The following PIGQ variants were observed in gnomAD, a reference collection of about 807,000 sequenced individuals.
The protein encoded by PIGQ is phosphatidylinositol N-acetylglucosaminyltransferase subunit Q.
PIGQ carries 54 observed loss-of-function variants against 60.3 expected under a neutral mutation model. That is an observed-to-expected ratio of 0.90 (90% CI 0.72 to 1.12). PIGQ has a LOEUF of 1.12. PIGQ is among the 50% of genes most tolerant of loss of function. PIGQ has a pLI of 0.00. For missense variants in PIGQ, 799 were observed against 793.5 expected, an observed-to-expected ratio of 1.01 and a Z score of -0.08; for synonymous variants, 416 against 363.7, an observed-to-expected ratio of 1.14 and a Z score of -1.64.
Position 580,195 on chromosome 16 carries a change from A to T in PIGQ, c.1348A>T (p.Thr450Ser). 1 of 1,611,480 alleles carries T rather than the reference A, an allele frequency of 6.2e-7. No individual in the cohort carries two copies. The highest frequency in any genetic ancestry group is 2.2e-5 in the East Asian group (1 of 44,780). Residue 450 changes from threonine to serine, a missense_variant, in exon 8 of 11, where the codon ACT becomes TCT. Physicochemically the swap from Thr to Ser is moderately conservative, Grantham distance 58. Transcript: ENST00000321878. Reference sequence around the variant, plus strand: ...CCCCTCCCTACAGCTGTTCATCGGGACTCTGCTCTTCACCATCCTGCTCTT... The same window carrying T: ...CCCCTCCCTACAGCTGTTCATCGGGTCTCTGCTCTTCACCATCCTGCTCTT... Reference protein sequence around the residue: ...SYDLDQLFIGTLLFTILLFLL... With the variant: ...SYDLDQLFIGSLLFTILLFLL...
At chr16:571,089 G>GCCTAGCC (rs1567173412) in intron 1 of PIGQ, among the ~76,000 whole-genome samples, 12 of 23,990 alleles carry the variant, frequency 5.0e-4, no homozygotes, top group African/African-American at 1.5e-3. Context: ...GTGTGTGTGT[G>GCCTAGCC]TGTGTGTGTG....
rs1430604080 is a variant in PIGQ at position 576,262 on chromosome 16, G to A, written c.942+8G>A. 5.1e-6 allele frequency: 8 copies of A among 1,554,358 alleles called. No homozygotes were observed. The highest frequency in any genetic ancestry group is 7.0e-6 in the Non-Finnish European group (8 of 1,149,636). Reference sequence around the variant, plus strand: ...CTCGTTCCTGTGGCTGACGTGAGTGGACTGGGGTGGAGCCCGGTGTCCCGG... The same window carrying A: ...CTCGTTCCTGTGGCTGACGTGAGTGAACTGGGGTGGAGCCCGGTGTCCCGG... On this transcript the variant is annotated splice_region_variant and intron_variant, in intron 4 of 10. Coordinates refer to ENST00000321878, the MANE Select transcript of PIGQ (RefSeq NM_004204.5).
In PIGQ at chr16:583,557, C is replaced by T. The variant is rs758362263; in HGVS notation, c.*522C>T. Reference sequence around the variant, plus strand: ...ATTGAAGCAGTCGCTGACCCCCGTCCCCAGCGGGCCCGGGCCCTCACTCCC... The same window carrying T: ...ATTGAAGCAGTCGCTGACCCCCGTCTCCAGCGGGCCCGGGCCCTCACTCCC... On this transcript the variant is annotated 3_prime_UTR_variant, in exon 11 of 11. Transcript: ENST00000321878. The T allele has an allele frequency of 3.1e-6, 5 of 1,612,346 alleles. No individual in the cohort carries two copies. The South Asian group carries it at 5.5e-5, about 18-fold the overall frequency.
Position 583,885 on chromosome 16 carries a change from A to C in PIGQ, c.*850A>C. 1 of 562,566 alleles carries C rather than the reference A, an allele frequency of 1.8e-6. No individual in the cohort carries two copies. The allele number at this position is 562,566 out of a possible 1,614,324, so 34.8% of individuals were successfully genotyped here. A position where few individuals can be genotyped will look rare whatever the true frequency, so the allele number is the denominator to read the frequency against. On this transcript the variant is annotated 3_prime_UTR_variant, in exon 11 of 11. Transcript: ENST00000321878. The stretch of plus-strand genomic sequence containing the variant: ...GAGGGGGCCGTGGCACTGAGGCCGA[A>C]AGTGCCTGCCAGACGGCACGGTCTG...
At position 583,769 on chromosome 16, in the gene PIGQ, A is replaced by T; in HGVS notation, c.*734A>T. ...CCCGTAGCAGCAGGTCCTGCGGCCA[A>T]ATCTGTCTCCCTTCATGGGCCTCCC... On this transcript the variant is annotated 3_prime_UTR_variant, in exon 11 of 11. Transcript: ENST00000321878. 1.0e-6 allele frequency: 1 copy of T among 983,418 alleles called. No homozygotes were observed. The highest frequency in any genetic ancestry group is 1.6e-6 in the Non-Finnish European group (1 of 633,400). 60.9% of individuals were successfully genotyped at this position (983,418 alleles called of 1,614,324 possible). A position where few individuals can be genotyped will look rare whatever the true frequency, so the allele number is the denominator to read the frequency against.
In PIGQ at chr16:579,125, A is replaced by G. The variant is rs2035772170; in HGVS notation, c.1280A>G (p.Lys427Arg). 6.2e-7 allele frequency: 1 copy of G among 1,612,982 alleles called. No homozygotes were observed. The highest frequency in any genetic ancestry group is 8.5e-7 in the Non-Finnish European group (1 of 1,179,782). Reference sequence around the variant, plus strand: ...TCACTGTGGCGTCTGTTCCGGGGGAAGAAGTGGAACGTTCTGCGCCAGCGC... The same window carrying G: ...TCACTGTGGCGTCTGTTCCGGGGGAGGAAGTGGAACGTTCTGCGCCAGCGC... ...LSSLWRLFRG[K>R]KWNVLRQRVD... Residue 427 changes from lysine to arginine, a missense_variant, in exon 7 of 11, where the codon AAG becomes AGG. By Grantham distance (26) the Lys-to-Arg change is conservative. Transcript: ENST00000321878.
Position 580,867 on chromosome 16 carries a change from C to G in PIGQ, c.1426C>G (p.Leu476Val). Residue 476 changes from leucine to valine, a missense_variant, in exon 9 of 11, where the codon CTG becomes GTG. By Grantham distance (32) the Leu-to-Val change is conservative. Transcript: ENST00000321878. ...YYLVFTLLRLLVVAVQGLIHL... is the reference protein window; with the variant it reads ...YYLVFTLLRLVVVAVQGLIHL... The stretch of plus-strand genomic sequence containing the variant: ...TGCTCCTCTGCCACAGCTCCGGCTC[C>G]TGGTGGTCGCCGTGCAGGGCCTGAT... 1 of 1,499,670 alleles carries G rather than the reference C, an allele frequency of 6.7e-7. No homozygotes were observed. The highest frequency in any genetic ancestry group is 9.2e-7 in the Non-Finnish European group (1 of 1,084,968). 92.9% of individuals were successfully genotyped at this position (1,499,670 alleles called of 1,614,324 possible). A position where few individuals can be genotyped will look rare whatever the true frequency, so the allele number is the denominator to read the frequency against.
chr16:576,459 C>T (rs1187831086), intron 4 of PIGQ: 1 of 636,488 alleles, frequency 1.6e-6, no homozygotes, highest in Non-Finnish European at 2.7e-6. Context: ...AGGTACACCC[C>T]CCTTTCCTTC....
intron 5 of PIGQ, 129 bp from the exon 6 acceptor site, chr16:578,656 T>C: frequency 7.1e-7 from 1 of 1,408,166 alleles, no homozygotes. Flanking sequence ...GGCTGGGGCC[T>C]GGGCACCTCC....
rs2035755486 is a variant in PIGQ, at chr16:578,419, T to C, written c.983T>C (p.Met328Thr). 3 of 1,612,272 alleles carry C rather than the reference T, an allele frequency of 1.9e-6. No homozygotes were observed. In the African/African-American group the frequency reaches 4.0e-5, roughly 21 times the overall value. Residue 328 changes from methionine (M) to threonine (T), a missense_variant, in exon 5 of 11, where the codon ATG becomes ACG. Physicochemically the swap from Met to Thr is moderately conservative, Grantham distance 81. Transcript: ENST00000321878. ...EELQHLLQWL[M>T]GAPAGLKMNR... The stretch of plus-strand genomic sequence containing the variant: ...CTCCAGCATCTGCTGCAGTGGCTGA[T>C]GGGTGCTCCCGCCGGGCTCAAGATG...
intron 7 of PIGQ, 23 bp downstream of exon 7, chr16:579,203 G>A (rs756616900): frequency 1.3e-6 from 2 of 1,589,574 alleles, no homozygotes; most frequent in African/African-American, 1.3e-5. Context: ...GTTCGTGGCT[G>A]GAGGGGCTGA....
At chr16:574,856 C>A in intron 2 of PIGQ, 93 bp downstream of exon 2, 1 of 1,031,732 alleles carries the variant, frequency 9.7e-7, no homozygotes, top group Non-Finnish European at 1.4e-6. Flanking sequence ...GGCCCAGATG[C>A]GCTCTTCCTG....
rs1475802661 is a variant in PIGQ at position 574,733 on chromosome 16, T to G, written c.659T>G (p.Leu220Arg). Residue 220 changes from leucine to arginine, a missense_variant, in exon 2 of 11, where the codon CTG becomes CGG. Transcript: ENST00000321878. Reference protein sequence around the residue: ...GPICLLLASLLSLVSAVSACR... With the variant: ...GPICLLLASLRSLVSAVSACR... The stretch of plus-strand genomic sequence containing the variant: ...ATTTGCCTGCTGTTGGCCAGCCTGC[T>G]GTCGCTGGTCTCAGCTGTCAGTGCC... The G allele has an allele frequency of 6.3e-7, 1 of 1,584,530 alleles. No individual in the cohort carries two copies. Among genetic ancestry groups the G allele is most frequent in the Non-Finnish European group, 8.5e-7 (1 of 1,170,214 alleles).
At position 576,223 on chromosome 16, in the gene PIGQ, A is replaced by G; in HGVS notation, c.911A>G (p.His304Arg). 2.6e-6 allele frequency: 4 copies of G among 1,552,202 alleles called. No individual in the cohort carries two copies. The highest frequency in any genetic ancestry group is 2.6e-6 in the Non-Finnish European group (3 of 1,148,028). Residue 304 changes from histidine to arginine, a missense_variant, in exon 4 of 11, where the codon CAT becomes CGT. Coordinates refer to ENST00000321878, the MANE Select transcript of PIGQ (RefSeq NM_004204.5). Reference protein sequence around the residue: ...SWLHGRSRIGHLADALVPVAD... With the variant: ...SWLHGRSRIGRLADALVPVAD... ...CTCCACGGGAGAAGCCGCATCGGGC[A>G]TCTGGCCGACGCCCTCGTTCCTGTG...
intron 3 of PIGQ, 71 bp from the exon 4 acceptor site, chr16:576,063 G>T: frequency 6.5e-7 from 1 of 1,543,992 alleles, no homozygotes. Context: ...CTCCGGCCAG[G>T]CAGGCCTCCT....
In PIGQ at chr16:578,951, T is replaced by G. The variant is rs1245253438; in HGVS notation, c.1223+13T>G. 1.3e-6 allele frequency: 2 copies of G among 1,515,248 alleles called. No homozygotes were observed. Among genetic ancestry groups the G allele is most frequent in the Non-Finnish European group, 1.8e-6 (2 of 1,126,030 alleles). The allele number at this position is 1,515,248 out of a possible 1,614,324, so 93.9% of individuals were successfully genotyped here. A position where few individuals can be genotyped will look rare whatever the true frequency, so the allele number is the denominator to read the frequency against. ...TCTATGGAGCCAGGTGGGCGTGGGC[T>G]TCCCCCTCCCCACCGCCCCCTGGGA... On this transcript the variant is annotated intron_variant, in intron 6 of 10. Coordinates refer to ENST00000321878, the MANE Select transcript of PIGQ (RefSeq NM_004204.5).
intron 2 of PIGQ, 102 bp downstream of exon 2, chr16:574,865 T>TGGGCCC: frequency 1.0e-6 from 1 of 954,720 alleles, no homozygotes; most frequent in Non-Finnish European, 1.5e-6. Context: ...GCGCTCTTCC[T>TGGGCCC]GGGCCCGGGC....
chr16:571,977 G>A (rs959435348), intron 1 of PIGQ, among the ~76,000 whole-genome samples: 3 of 152,076 alleles, frequency 2.0e-5, no homozygotes, highest in Non-Finnish European at 4.4e-5. Context: ...CACGTAGCTC[G>A]GTGAATTTAC....
intron 1 of PIGQ, among the ~76,000 whole-genome samples, chr16:572,284 C>T (rs1006419280): frequency 4.6e-5 from 7 of 150,742 alleles, no homozygotes; most frequent in Non-Finnish European, 8.9e-5. Context: ...GGCATCCACC[C>T]GCCGCCTGCC....
Sources: allele counts gnomAD v4.1 joint callset (sites outside exome capture counted in the v4.1 genomes callset), GRCh38; gene constraint gnomAD v4.1.1; transcripts MANE v1.5; gene names NCBI Gene and HGNC (gene_info 2026-07-23, HGNC 2026-07-21).